Variants in ACVR1C observed in about 807,000 individuals in gnomAD.
ACVR1C encodes activin receptor type-1C.
A neutral mutation model predicts 57.9 loss-of-function variants in ACVR1C; 23 were observed. The ratio of observed to expected loss-of-function variants is 0.40; its 90% confidence interval spans 0.29 to 0.56. The LOEUF (loss-of-function observed/expected upper bound fraction) is 0.56, where lower values mean the gene tolerates loss of function less well. ACVR1C is among the 20% of genes least tolerant of loss of function. The pLI is 0.50. For missense variants in ACVR1C, 480 were observed against 607.9 expected (o/e 0.79, Z 2.21); for synonymous variants, 214 against 215.3 (o/e 0.99, Z 0.05).
At chr2:157,608,954 T>C (rs2105146553) in intron 1 of ACVR1C, among the ~76,000 whole-genome samples, 1 of 152,012 alleles carries the variant, frequency 6.6e-6, no homozygotes, top group East Asian at 1.9e-4. Flanking sequence ...ATTTCTTCCT[T>C]TTTTTGTTAT....
chr2:157,580,068 C>T (rs1378800106), intron 2 of ACVR1C, among the ~76,000 whole-genome samples: 2 of 149,978 alleles, frequency 1.3e-5, no homozygotes, highest in East Asian at 3.9e-4. Context: ...TTGCAATTAA[C>T]ACACACACAC....
At chr2:157,555,346 C>G (rs1385915110) in intron 3 of ACVR1C, among the ~76,000 whole-genome samples, 1 of 151,612 alleles carries the variant, frequency 6.6e-6, no homozygotes, top group Non-Finnish European at 1.5e-5. Flanking sequence ...GTCTCGATCT[C>G]CTGACCTCAT....
rs566085628 is a variant in ACVR1C at position 157,534,805 on chromosome 2, G to A, written c.1357-762C>T. On this transcript the variant is annotated intron_variant, in intron 8 of 8. Coordinates refer to ENST00000243349, the MANE Select transcript of ACVR1C (RefSeq NM_145259.3). The stretch of plus-strand genomic sequence containing the variant: ...TGCTACTCTCATGGTCTAGAACTTC[G>A]GAACTGATGGATCGCATGTAATAGA... Among the ~76,000 whole-genome samples the A allele has an allele frequency of 6.6e-5, 10 of 152,166 alleles. No individual in the cohort carries two copies. The South Asian group carries it at 8.3e-4, about 13-fold the overall frequency.
chr2:157,586,519 T>G (rs1558987771), intron 2 of ACVR1C, among the ~76,000 whole-genome samples: 1 of 152,176 alleles, frequency 6.6e-6, no homozygotes, highest in Non-Finnish European at 1.5e-5. Context: ...AAATTCAGAA[T>G]TACATGTCCC....
At chr2:157,553,801 C>G (rs973299470) in intron 3 of ACVR1C, among the ~76,000 whole-genome samples, 11 of 152,152 alleles carry the variant, frequency 7.2e-5, no homozygotes, top group African/African-American at 2.6e-4. Flanking sequence ...AGAATGTTGT[C>G]AATATTCAAG....
At chr2:157,611,077 G>A (rs926369796) in intron 1 of ACVR1C, among the ~76,000 whole-genome samples, 1 of 152,172 alleles carries the variant, frequency 6.6e-6, no homozygotes, top group Admixed American at 6.5e-5. Context: ...CCTTGAAGGT[G>A]TCATATGTCC....
At chr2:157,612,862 G>A (rs1682563555) in intron 1 of ACVR1C, among the ~76,000 whole-genome samples, 1 of 152,110 alleles carries the variant, frequency 6.6e-6, no homozygotes, top group Non-Finnish European at 1.5e-5. Context: ...AGAACTATAG[G>A]GGCTATGGTT....
Position 157,556,310 on chromosome 2 carries a change from A to G in ACVR1C, c.327T>C (p.Leu109=). Residue 109 remains leucine (L), a synonymous_variant, in exon 3 of 9, where the codon CTT becomes CTC. Transcript: ENST00000243349. The part of the protein sequence containing the change: ...LPTASPNAPK[L]GPMELAIIIT... Reference sequence around the variant, plus strand: ...TAATGATGGCCAGCTCCATGGGTCCAAGTTTTGGGGCATTTGGTGATGCTA... The same window carrying G: ...TAATGATGGCCAGCTCCATGGGTCCGAGTTTTGGGGCATTTGGTGATGCTA... 6.2e-7 allele frequency: 1 copy of G among 1,614,170 alleles called. No homozygotes were observed. Among genetic ancestry groups the G allele is most frequent in the Non-Finnish European group, 8.5e-7 (1 of 1,180,014 alleles).
intron 2 of ACVR1C, among the ~76,000 whole-genome samples, chr2:157,565,289 A>C (rs75373816): frequency 6.6e-6 from 1 of 152,060 alleles, no homozygotes; most frequent in Non-Finnish European, 1.5e-5. Flanking sequence ...ACAAACATCA[A>C]CTTTTTTTGT....
At chr2:157,581,632 A>G (rs992774032) in intron 2 of ACVR1C, among the ~76,000 whole-genome samples, 5 of 152,216 alleles carry the variant, frequency 3.3e-5, no homozygotes, top group South Asian at 2.1e-4. Flanking sequence ...CTGCACTTAC[A>G]TCAAGTCAGC....
At position 157,531,374 on chromosome 2, in the gene ACVR1C, C is replaced by T. The variant is rs1687346918; in HGVS notation, c.*2544G>A. The T allele has an allele frequency of 6.6e-6, 1 of 151,962 alleles. No homozygotes were observed. Among genetic ancestry groups the T allele is most frequent in the Non-Finnish European group, 1.5e-5 (1 of 67,896 alleles). The allele number at this position is 151,962 out of a possible 1,614,324, so 9.4% of individuals were successfully genotyped here. ...AGTTAGGAGTCATAGTTAAACAACA[C>T]AAGAACAAGAAAAATACCTCAAAAT... On this transcript the variant is annotated 3_prime_UTR_variant, in exon 9 of 9. Transcript: ENST00000243349.
intron 2 of ACVR1C, among the ~76,000 whole-genome samples, chr2:157,576,835 C>CTTTTTTTTTTTTTTTTTATTTTTT (rs1688666397): frequency 2.4e-5 from 1 of 41,722 alleles, no homozygotes; most frequent in Admixed American, 2.4e-4. Context: ...TTGAAATTTT[C>CTTTTTTTTTTTTTTTTTATTTTTT]TTTTTTTTTT....
intron 1 of ACVR1C, among the ~76,000 whole-genome samples, chr2:157,608,641 T>C (rs1191679122): frequency 6.6e-6 from 1 of 151,958 alleles, no homozygotes; most frequent in Non-Finnish European, 1.5e-5. Context: ...AGACTTTTCA[T>C]TACAACTCAA....
chr2:157,545,499 A>T (rs1057136727), intron 4 of ACVR1C, among the ~76,000 whole-genome samples: 2 of 152,234 alleles, frequency 1.3e-5, no homozygotes, highest in Non-Finnish European at 2.9e-5. Context: ...ACATATAAAA[A>T]TAACCCTTAC....
At chr2:157,549,218 G>A (rs1241835774) in intron 4 of ACVR1C, among the ~76,000 whole-genome samples, 1 of 152,058 alleles carries the variant, frequency 6.6e-6, no homozygotes, top group African/African-American at 2.4e-5. Context: ...AGCCAGGCAT[G>A]GTGGCAGGCA....
rs1162614374 is a variant in ACVR1C, at chr2:157,532,971, C to T, written c.*947G>A. 1.3e-5 allele frequency: 2 copies of T among 152,130 alleles called. No individual in the cohort carries two copies. Among genetic ancestry groups the T allele is most frequent in the African/African-American group, 2.4e-5 (1 of 41,426 alleles). The allele number at this position is 152,130 out of a possible 1,614,324, so 9.4% of individuals were successfully genotyped here. On this transcript the variant is annotated 3_prime_UTR_variant, in exon 9 of 9. Coordinates refer to ENST00000243349, the MANE Select transcript of ACVR1C (RefSeq NM_145259.3). ...GAAGTGTTCAGAAAACATTAATGCT[C>T]ATTAACAAATGGGGTAACCATGATA... is the stretch of plus-strand genomic sequence containing the variant.
chr2:157,542,123 C>T (rs765220497), intron 6 of ACVR1C, among the ~76,000 whole-genome samples: 17 of 152,030 alleles, frequency 1.1e-4, no homozygotes, highest in Admixed American at 2.6e-4. Flanking sequence ...GAATTGTATC[C>T]AAATTCATAT....
At chr2:157,610,115 T>C (rs1251964673) in intron 1 of ACVR1C, among the ~76,000 whole-genome samples, 2 of 152,108 alleles carry the variant, frequency 1.3e-5, no homozygotes, top group African/African-American at 4.8e-5. Context: ...CTTCCAAATA[T>C]GTGTGTGTTT....
intron 2 of ACVR1C, among the ~76,000 whole-genome samples, chr2:157,566,954 T>A (rs1325617150): frequency 7.6e-6 from 1 of 132,180 alleles, no homozygotes. Context: ...CTCTGCAGAC[T>A]TAAGTGTCCC....
Sources: allele counts gnomAD v4.1 joint callset (sites outside exome capture counted in the v4.1 genomes callset), GRCh38; gene constraint gnomAD v4.1.1; transcripts MANE v1.5; gene names NCBI Gene and HGNC (gene_info 2026-07-23, HGNC 2026-07-21).